Variants in FCHSD2 observed in about 807,000 individuals in gnomAD.
The protein encoded by FCHSD2 is F-BAR and double SH3 domains protein 2.
Under a neutral mutation model 108.1 loss-of-function variants are expected in FCHSD2, and 38 were observed. The observed-to-expected ratio is 0.35, with a 90% CI of 0.27 to 0.46. The LOEUF is 0.46. FCHSD2 is among the 20% of genes least tolerant of loss of function. The pLI, the probability that FCHSD2 is intolerant of heterozygous loss-of-function variation, is 1.00. For synonymous variants in FCHSD2, 279 were observed against 314.7 expected (o/e 0.89, Z 1.20); for missense variants, 751 against 897.8 (o/e 0.84, Z 2.09).
In FCHSD2 at chr11:72,990,374, C is replaced by A. The variant is rs56200651; in HGVS notation, c.388-1277G>T. Among the ~76,000 whole-genome samples, 1,484 of 152,238 alleles carry A rather than the reference C, an allele frequency of 9.7e-3. 19 individuals are homozygous for A. The highest frequency in any genetic ancestry group is 0.034 in the African/African-American group (1,412 of 41,532). On this transcript the variant is annotated intron_variant, in intron 5 of 19. Transcript: ENST00000409418. Reference sequence around the variant, plus strand: ...ATTAACTATAAATATCTGATAGGAACCCTCCACCCCAAATCAACAGAATAT... The same window carrying A: ...ATTAACTATAAATATCTGATAGGAAACCTCCACCCCAAATCAACAGAATAT...
chr11:73,079,592 A>G (rs1859635492), intron 3 of FCHSD2, among the ~76,000 whole-genome samples: 1 of 152,176 alleles, frequency 6.6e-6, no homozygotes, highest in South Asian at 2.1e-4. Flanking sequence ...ATCAATGCAT[A>G]CTGGCAAAAT....
At chr11:73,045,882 C>T (rs1279398616) in intron 3 of FCHSD2, among the ~76,000 whole-genome samples, 6 of 149,430 alleles carry the variant, frequency 4.0e-5, no homozygotes, top group African/African-American at 1.5e-4. Flanking sequence ...CTAACCTGCA[C>T]AATGTGCACA....
rs1157142634 is a variant in FCHSD2, at chr11:73,027,069, T to C, written c.166-11184A>G. ...TACCGAGAGACATGGCGTATTTCTA[T>C]AAAAATACCTGAAAATGTGGAAGTG... is the stretch of plus-strand genomic sequence containing the variant. On this transcript the variant is annotated intron_variant, in intron 3 of 19. Transcript: ENST00000409418. Among the ~76,000 whole-genome samples the C allele has an allele frequency of 3.9e-5, 6 of 152,176 alleles. No individual in the cohort carries two copies. The East Asian group carries it at 5.8e-4, about 15-fold the overall frequency.
At chr11:72,947,224 G>A (rs1485555303) in intron 8 of FCHSD2, among the ~76,000 whole-genome samples, 1 of 152,194 alleles carries the variant, frequency 6.6e-6, no homozygotes, top group Admixed American at 6.5e-5. Context: ...TAGGTTTTAT[G>A]TTCAAATTTA....
At chr11:72,859,010 A>C (rs1287346006) in intron 13 of FCHSD2, among the ~76,000 whole-genome samples, 3 of 152,214 alleles carry the variant, frequency 2.0e-5, no homozygotes, top group African/African-American at 7.2e-5. Flanking sequence ...AGGTTATGAC[A>C]TAGGGAGAAG....
intron 6 of FCHSD2, among the ~76,000 whole-genome samples, chr11:72,986,610 G>A (rs1021742442): frequency 1.3e-5 from 2 of 152,176 alleles, no homozygotes; most frequent in Admixed American, 1.3e-4. Flanking sequence ...GAATAAGACT[G>A]TGTTTGGGGA....
chr11:72,887,748 T>C (rs1855228556), intron 11 of FCHSD2, among the ~76,000 whole-genome samples, 174 bp from the exon 12 acceptor site: 1 of 152,206 alleles, frequency 6.6e-6, no homozygotes, highest in Admixed American at 6.5e-5. Flanking sequence ...GTAACAAACT[T>C]ACTACAGACA....
chr11:73,073,295 C>T (rs1221263451), intron 3 of FCHSD2, among the ~76,000 whole-genome samples: 1 of 152,218 alleles, frequency 6.6e-6, no homozygotes, highest in African/African-American at 2.4e-5. Flanking sequence ...TGCAATACAT[C>T]TGTTACTTCT....
intron 3 of FCHSD2, among the ~76,000 whole-genome samples, chr11:73,049,242 C>A (rs1029524757): frequency 2.6e-5 from 4 of 151,806 alleles, no homozygotes; most frequent in African/African-American, 9.7e-5. Flanking sequence ...AGTTGAGTGC[C>A]CAGTATATAT....
At chr11:72,885,393 G>A (rs544129558) in intron 12 of FCHSD2, among the ~76,000 whole-genome samples, 4 of 152,286 alleles carry the variant, frequency 2.6e-5, no homozygotes, top group South Asian at 4.1e-4. Flanking sequence ...TGCATTAGAA[G>A]AGGTGAGACA....
At chr11:73,100,372 TG>T (rs1860194843) in intron 2 of FCHSD2, among the ~76,000 whole-genome samples, 1 of 150,506 alleles carries the variant, frequency 6.6e-6, no homozygotes, top group Non-Finnish European at 1.5e-5. Context: ...TTGTTGTTGT[TG>T]TTGTTTTGAG....
intron 3 of FCHSD2, among the ~76,000 whole-genome samples, chr11:73,030,764 C>T (rs1858340826): frequency 6.6e-6 from 1 of 152,158 alleles, no homozygotes; most frequent in East Asian, 1.9e-4. Flanking sequence ...ATGGTTACCA[C>T]AGTCAAGCAA....
At chr11:72,997,945 G>A (rs1857551559) in intron 5 of FCHSD2, among the ~76,000 whole-genome samples, 1 of 152,004 alleles carries the variant, frequency 6.6e-6, no homozygotes, top group South Asian at 2.1e-4. Context: ...TTTCCACCTT[G>A]GCCTCCCAAA....
chr11:72,894,655 T>C (rs527817955), intron 10 of FCHSD2, among the ~76,000 whole-genome samples: 98 of 152,344 alleles, frequency 6.4e-4, no homozygotes, highest in African/African-American at 2.2e-3. Flanking sequence ...TCTGGATCTC[T>C]GTATTCCAAC....
At chr11:73,079,591 T>A (rs1859635426) in intron 3 of FCHSD2, among the ~76,000 whole-genome samples, 1 of 152,136 alleles carries the variant, frequency 6.6e-6, no homozygotes, top group Admixed American at 6.6e-5. Context: ...AATCAATGCA[T>A]ACTGGCAAAA....
intron 3 of FCHSD2, chr11:73,077,594 A>C (rs761164181): frequency 2.3e-6 from 1 of 426,478 alleles, no homozygotes; most frequent in South Asian, 1.7e-5. Flanking sequence ...TATTTATAAT[A>C]CTCAAAAAAC....
chr11:72,843,804 G>A (rs1861040659), intron 14 of FCHSD2: 2 of 352,612 alleles, frequency 5.7e-6, no homozygotes, highest in South Asian at 1.3e-4. Context: ...GGGCAACACA[G>A]CGAGACCCCC....
At chr11:72,844,502 C>G (rs538796613) in intron 14 of FCHSD2, among the ~76,000 whole-genome samples, 1 of 152,146 alleles carries the variant, frequency 6.6e-6, no homozygotes, top group African/African-American at 2.4e-5. Context: ...CAGCAGCAAT[C>G]CACCAGCATC....
chr11:73,011,196 C>T (rs1857856296), intron 4 of FCHSD2, among the ~76,000 whole-genome samples: 1 of 152,084 alleles, frequency 6.6e-6, no homozygotes, highest in Admixed American at 6.6e-5. Context: ...GTGGCTTGCC[C>T]TCAGGCTCTC....
Sources: gnomAD v4.1 joint callset for allele counts (sites outside exome capture counted in the v4.1 genomes callset) on GRCh38, gnomAD v4.1.1 for gene constraint, MANE v1.5 for transcripts, NCBI Gene and HGNC (gene_info 2026-07-23, HGNC 2026-07-21) for gene names.